Variants in KDM4B observed in about 807,000 individuals in gnomAD.
The protein encoded by KDM4B is lysine-specific demethylase 4B.
A neutral mutation model predicts 125.2 loss-of-function variants in KDM4B; 32 were observed. That is an observed-to-expected ratio of 0.26 (90% CI 0.19 to 0.34). The LOEUF is 0.34. KDM4B is among the 10% of genes least tolerant of loss of function. The pLI, the probability that KDM4B is intolerant of heterozygous loss-of-function variation, is 1.00. For synonymous variants in KDM4B, 721 were observed against 677.9 expected (o/e 1.06, Z -0.99); for missense variants, 1,190 against 1,577.7 (o/e 0.75, Z 4.16).
At chr19:4,996,374 G>A (rs1176791591) in intron 1 of KDM4B, among the ~76,000 whole-genome samples, 3 of 151,966 alleles carry the variant, frequency 2.0e-5, no homozygotes. Flanking sequence ...GTGTGTGCCT[G>A]TTTTATTTTT....
At chr19:4,998,718 G>T (rs988917731) in intron 1 of KDM4B, among the ~76,000 whole-genome samples, 1 of 152,124 alleles carries the variant, frequency 6.6e-6, no homozygotes, top group African/African-American at 2.4e-5. Context: ...CTTGCCTGTC[G>T]GTTCCTTTTA....
At chr19:5,077,744 C>G in intron 8 of KDM4B, 1 of 433,888 alleles carries the variant, frequency 2.3e-6, no homozygotes. Context: ...TCAGAGGCCC[C>G]TCCGCAGGGG....
At chr19:4,983,043 T>C (rs188404698) in intron 1 of KDM4B, among the ~76,000 whole-genome samples, 2 of 152,318 alleles carry the variant, frequency 1.3e-5, no homozygotes, top group African/African-American at 4.8e-5. Context: ...GTGTATTGTA[T>C]TGAACCCAGT....
intron 1 of KDM4B, among the ~76,000 whole-genome samples, chr19:5,008,932 T>TTTTA (rs1568223943): frequency 1.6e-5 from 2 of 125,912 alleles, no homozygotes; most frequent in African/African-American, 5.5e-5. Context: ...TTTTTTTTTT[T>TTTTA]AAAGACAGAG....
rs2039964751 is a variant in KDM4B, at chr19:5,152,446, TGAGGGAGGCC to T, written c.*936_*945del. ...CCCCTGCACCTCCTATGGCTCAGGATGAGGGAGGCCCCCAGGCCCTTCTGGTTGGTAGTGA... is the reference window on the plus strand; with the variant it reads ...CCCCTGCACCTCCTATGGCTCAGGATCCCAGGCCCTTCTGGTTGGTAGTGA... On this transcript the variant is annotated 3_prime_UTR_variant, in exon 23 of 23. Transcript: ENST00000159111. The T allele has an allele frequency of 6.6e-6, 1 of 152,320 alleles. No homozygotes were observed. The highest frequency in any genetic ancestry group is 2.4e-5 in the African/African-American group (1 of 41,460). The allele number at this position is 152,320 out of a possible 1,614,324, so 9.4% of individuals were successfully genotyped here. A position where few individuals can be genotyped will look rare whatever the true frequency, so the allele number is the denominator to read the frequency against.
At chr19:5,119,544 G>A (rs986740189) in intron 10 of KDM4B, 109 bp from the exon 11 acceptor site, 11 of 1,084,616 alleles carry the variant, frequency 1.0e-5, no homozygotes, top group Admixed American at 8.0e-5. Context: ...TGCTCATGGA[G>A]CGCTCTTCTG....
At chr19:5,132,861 C>CG (rs1480755199) in intron 13 of KDM4B, among the ~76,000 whole-genome samples, 2 of 152,182 alleles carry the variant, frequency 1.3e-5, no homozygotes, top group Non-Finnish European at 2.9e-5. Flanking sequence ...CCCAGGGCCT[C>CG]GGGGCCGCTT....
chr19:5,036,343 G>T (rs574722751), intron 3 of KDM4B, among the ~76,000 whole-genome samples: 1 of 152,232 alleles, frequency 6.6e-6, no homozygotes. Flanking sequence ...CGGGAGCTGC[G>T]GGCACAGCCC....
chr19:5,066,956 G>GGTCCCGC (rs1215010921), intron 6 of KDM4B, among the ~76,000 whole-genome samples: 5 of 152,124 alleles, frequency 3.3e-5, no homozygotes, highest in Non-Finnish European at 7.4e-5. Context: ...CTGGGTCCTG[G>GGTCCCGC]GTCCCGCGTC....
intron 3 of KDM4B, among the ~76,000 whole-genome samples, chr19:5,038,477 C>G (rs1429995478): frequency 6.6e-6 from 1 of 152,230 alleles, no homozygotes; most frequent in Non-Finnish European, 1.5e-5. Flanking sequence ...TTGGGACCAG[C>G]CTTGTCTCGG....
chr19:5,121,496 C>A (rs927601806), intron 11 of KDM4B, among the ~76,000 whole-genome samples: 2 of 152,164 alleles, frequency 1.3e-5, no homozygotes, highest in African/African-American at 4.8e-5. Context: ...TCGAGCGGAG[C>A]TGCCAGAGAT....
intron 3 of KDM4B, among the ~76,000 whole-genome samples, chr19:5,038,334 C>T (rs567905176): frequency 1.3e-5 from 2 of 152,226 alleles, no homozygotes; most frequent in Non-Finnish European, 2.9e-5. Flanking sequence ...GGCTCACCCC[C>T]ACCAGAGGAG....
At chr19:5,050,639 G>A (rs1422802970) in intron 6 of KDM4B, among the ~76,000 whole-genome samples, 1 of 152,182 alleles carries the variant, frequency 6.6e-6, no homozygotes, top group South Asian at 2.1e-4. Flanking sequence ...GGTGGTTTGC[G>A]CCTGTAATCC....
chr19:5,144,654 G>A, intron 20 of KDM4B, 129 bp from the exon 21 acceptor site: 2 of 1,352,918 alleles, frequency 1.5e-6, no homozygotes, highest in South Asian at 1.4e-5. Context: ...GCTACCCCGG[G>A]CCCCCGCAGC....
chr19:5,033,292 C>A (rs1405778675), intron 3 of KDM4B, among the ~76,000 whole-genome samples: 1 of 152,252 alleles, frequency 6.6e-6, no homozygotes, highest in Non-Finnish European at 1.5e-5. Flanking sequence ...TGAGGACACA[C>A]AGCCACACTG....
intron 6 of KDM4B, among the ~76,000 whole-genome samples, chr19:5,062,797 T>TTA (rs1310275209): frequency 1.1e-4 from 14 of 133,316 alleles, no homozygotes; most frequent in South Asian, 4.6e-4. Flanking sequence ...TTTTTTTTTT[T>TTA]AGAGATAGAG....
chr19:5,123,085 G>A (rs777376785), intron 11 of KDM4B, among the ~76,000 whole-genome samples: 16 of 152,242 alleles, frequency 1.1e-4, no homozygotes, highest in Non-Finnish European at 2.1e-4. Flanking sequence ...AACCTCCATC[G>A]ATGGAGAGGG....
At chr19:4,986,225 T>C (rs2034826691) in intron 1 of KDM4B, among the ~76,000 whole-genome samples, 1 of 152,196 alleles carries the variant, frequency 6.6e-6, no homozygotes, top group Non-Finnish European at 1.5e-5. Flanking sequence ...CACAGGGGCT[T>C]CACGAGCCAC....
chr19:5,083,395 C>T (rs897260230), intron 9 of KDM4B, among the ~76,000 whole-genome samples: 1 of 152,214 alleles, frequency 6.6e-6, no homozygotes, highest in South Asian at 2.1e-4. Context: ...GCTTATGAAT[C>T]CTAAGCCTCA....
Sources: gnomAD v4.1 joint callset for allele counts (sites outside exome capture counted in the v4.1 genomes callset) on GRCh38, gnomAD v4.1.1 for gene constraint, MANE v1.5 for transcripts, NCBI Gene and HGNC (gene_info 2026-07-23, HGNC 2026-07-21) for gene names.